Variants in ZC3H12B observed in about 807,000 individuals in gnomAD.
ZC3H12B encodes zinc finger CCCH-type containing 12B.
In ZC3H12B, 7 loss-of-function variants were observed where a neutral mutation model predicts 43.9. The observed-to-expected ratio is 0.16, with a 90% CI of 0.09 to 0.30. The LOEUF is 0.30. Among genes scored for constraint, ZC3H12B ranks in the 10% least tolerant of loss-of-function variants. The pLI, the probability that ZC3H12B is intolerant of heterozygous loss-of-function variation, is 1.00. For synonymous variants in ZC3H12B, 222 were observed against 241.7 expected (o/e 0.92, Z 0.76); for missense variants, 475 against 670.2 (o/e 0.71, Z 3.22).
the ZC3H12B span, among the ~76,000 whole-genome samples, chrX:65,177,966 G>A: frequency 5.4e-5 from 6 of 112,088 alleles, no homozygotes; most frequent in South Asian, 3.7e-4. Context: ...ACTATCCTAA[G>A]CAAAAAGAAC....
the ZC3H12B span, among the ~76,000 whole-genome samples, chrX:65,230,762 T>C: frequency 9.0e-6 from 1 of 111,277 alleles, no homozygotes; most frequent in East Asian, 2.8e-4. Context: ...ACATCAGACC[T>C]TTATTATAGG....
At chrX:65,207,594 G>A in the ZC3H12B span, among the ~76,000 whole-genome samples, 2 of 109,941 alleles carry the variant, frequency 1.8e-5, no homozygotes, top group South Asian at 8.0e-4. Context: ...AAGAACTTTT[G>A]AGAAGTCAGG....
upstream of ZC3H12B, among the ~76,000 whole-genome samples, chrX:65,365,032 C>T (rs771396790): frequency 3.4e-4 from 38 of 111,573 alleles, no homozygotes; most frequent in Non-Finnish European, 6.6e-4. Flanking sequence ...CTGGGTTTGG[C>T]CTTCCTACCT....
chrX:65,460,549 G>T (rs755016191), intron 3 of ZC3H12B, among the ~76,000 whole-genome samples: 7 of 111,404 alleles, frequency 6.3e-5, no homozygotes, highest in Admixed American at 2.9e-4. Context: ...CTCAGAAATA[G>T]TACCACATAT....
chrX:65,054,797 C>T, the ZC3H12B span, among the ~76,000 whole-genome samples: 5 of 111,068 alleles, frequency 4.5e-5, no homozygotes, highest in African/African-American at 1.6e-4. Flanking sequence ...TGAAGAAGTC[C>T]TTCACATCCC....
intron 3 of ZC3H12B, among the ~76,000 whole-genome samples, chrX:65,399,131 G>C (rs1222330423): frequency 1.8e-5 from 2 of 112,465 alleles, no homozygotes; most frequent in Admixed American, 1.9e-4. Flanking sequence ...GATTTCTTGA[G>C]TAATACACTA....
the ZC3H12B span, among the ~76,000 whole-genome samples, chrX:65,252,666 T>A: frequency 8.9e-6 from 1 of 111,777 alleles, no homozygotes; most frequent in Non-Finnish European, 1.9e-5. Flanking sequence ...CCTCTCAATA[T>A]AATACCAGTC....
chrX:65,223,711 T>A, the ZC3H12B span, among the ~76,000 whole-genome samples: 41 of 111,911 alleles, frequency 3.7e-4, no homozygotes, highest in African/African-American at 1.3e-3. Flanking sequence ...AACAAACATA[T>A]GAAGAAATGC....
exon 2 of ZC3H12B, chrX:65,368,860 G>C (rs1309557517): frequency 8.9e-6 from 1 of 112,225 alleles, no homozygotes; most frequent in Admixed American, 9.5e-5. Context: ...TTCTGCCTCA[G>C]CAACAGAGGA....
At chrX:65,169,744 A>C in the ZC3H12B span, among the ~76,000 whole-genome samples, 1 of 112,277 alleles carries the variant, frequency 8.9e-6, no homozygotes, top group Non-Finnish European at 1.9e-5. Flanking sequence ...TATATTAAGC[A>C]TAGTTAGCTC....
chrX:65,355,342 A>G, the ZC3H12B span, among the ~76,000 whole-genome samples: 2 of 111,939 alleles, frequency 1.8e-5, no homozygotes, highest in South Asian at 3.7e-4. Flanking sequence ...TAAATGAGAA[A>G]TTTCATTTTT....
chrX:65,185,746 TATATA>T, the ZC3H12B span: 1 of 111,243 alleles, frequency 9.0e-6, no homozygotes, highest in South Asian at 3.7e-4. Flanking sequence ...AAAGTAAAAT[TATATA>T]AATAACCACA....
the ZC3H12B span, among the ~76,000 whole-genome samples, chrX:65,117,939 G>C: frequency 1.8e-5 from 2 of 111,163 alleles, no homozygotes; most frequent in Admixed American, 9.6e-5. Context: ...TTTTGTACCA[G>C]TACCATGCTG....
intron 3 of ZC3H12B, among the ~76,000 whole-genome samples, chrX:65,436,633 G>A (rs141919607): frequency 8.7e-4 from 97 of 111,580 alleles, no homozygotes; most frequent in Non-Finnish European, 1.4e-3. Context: ...CGTGATAAGC[G>A]ATTTTTCTCC....
chrX:65,267,841 G>A, the ZC3H12B span, among the ~76,000 whole-genome samples: 2 of 111,324 alleles, frequency 1.8e-5, no homozygotes, highest in African/African-American at 6.5e-5. Context: ...AAATAAATAA[G>A]CTACCCTTAT....
chrX:65,192,300 A>G, the ZC3H12B span, among the ~76,000 whole-genome samples: 2 of 111,946 alleles, frequency 1.8e-5, no homozygotes, highest in Non-Finnish European at 3.8e-5. Flanking sequence ...GGATCAAACA[A>G]GGATAATTTG....
chrX:65,353,005 G>T, the ZC3H12B span, among the ~76,000 whole-genome samples: 2 of 108,998 alleles, frequency 1.8e-5, no homozygotes, highest in Non-Finnish European at 3.8e-5. Context: ...GCGCCTCCAC[G>T]CCCAGCTAAT....
chrX:65,117,424 A>G, the ZC3H12B span, among the ~76,000 whole-genome samples: 1 of 111,431 alleles, frequency 9.0e-6, no homozygotes, highest in East Asian at 2.8e-4. Flanking sequence ...TTTTTCTCAT[A>G]AATTTGTTTA....
intron 2 of ZC3H12B, among the ~76,000 whole-genome samples, chrX:65,498,253 C>T (rs2068318981): frequency 9.0e-6 from 1 of 111,656 alleles, no homozygotes; most frequent in African/African-American, 3.3e-5. Flanking sequence ...AGCAAAAATG[C>T]CTAAGGTTTT....
Sources: allele counts gnomAD v4.1 joint callset (sites outside exome capture counted in the v4.1 genomes callset), GRCh38; gene constraint gnomAD v4.1.1; transcripts MANE v1.5; gene names NCBI Gene and HGNC (gene_info 2026-07-23, HGNC 2026-07-21).